BDKRB2: variants seen among roughly 807,000 people sequenced by gnomAD.
The protein encoded by BDKRB2 is B2 bradykinin receptor.
BDKRB2 carries 6 observed loss-of-function variants against 4.0 expected under a neutral mutation model. That is an observed-to-expected ratio of 1.49 (90% CI 0.81 to 2.93). The LOEUF (loss-of-function observed/expected upper bound fraction) is 2.93. Among genes scored for constraint, BDKRB2 ranks in the 30% most tolerant of loss-of-function variants. BDKRB2 has a pLI of 0.00. For missense variants in BDKRB2, 478 were observed against 520.1 expected, an observed-to-expected ratio of 0.92 and a Z score of 0.79; for synonymous variants, 225 against 215.3, an observed-to-expected ratio of 1.05 and a Z score of -0.40.
chr14:96,209,793 C>T (rs191767563), intron 1 of BDKRB2, among the ~76,000 whole-genome samples: 1 of 151,970 alleles, frequency 6.6e-6, no homozygotes, highest in East Asian at 1.9e-4. Context: ...GTCAAGAGTT[C>T]GAGACCAGCC....
At chr14:96,237,606 G>A in intron 2 of BDKRB2, 1 of 1,211,994 alleles carries the variant, frequency 8.3e-7, no homozygotes, top group Non-Finnish European at 1.1e-6. Flanking sequence ...GGAGGGGGAG[G>A]AGGACCTGAG....
intron 1 of BDKRB2, among the ~76,000 whole-genome samples, chr14:96,232,085 C>A (rs901127584): frequency 2.0e-5 from 3 of 152,202 alleles, no homozygotes; most frequent in Admixed American, 2.0e-4. Flanking sequence ...GGAAGGGAAT[C>A]CCTGACACCC....
chr14:96,238,637 T>C, intron 2 of BDKRB2: 1 of 977,678 alleles, frequency 1.0e-6, no homozygotes, highest in Non-Finnish European at 1.2e-6. Context: ...AGTGTCACTT[T>C]CCAGAACATA....
intron 1 of BDKRB2, among the ~76,000 whole-genome samples, chr14:96,226,694 C>T (rs968729949): frequency 1.3e-5 from 2 of 152,142 alleles, no homozygotes; most frequent in Admixed American, 6.5e-5. Flanking sequence ...ATACCAAGAT[C>T]CTAGGAACTA....
intron 1 of BDKRB2, among the ~76,000 whole-genome samples, chr14:96,216,762 AGG>A (rs1822439313): frequency 8.3e-6 from 1 of 120,610 alleles, no homozygotes; most frequent in African/African-American, 3.2e-5. Context: ...GAGGAGGAGG[AGG>A]AGGAAGGAGG....
chr14:96,219,417 G>C (rs951138050), intron 1 of BDKRB2, among the ~76,000 whole-genome samples: 3 of 151,964 alleles, frequency 2.0e-5, no homozygotes, highest in Non-Finnish European at 4.4e-5. Context: ...CAGGGGAGGG[G>C]TGGGGACCGG....
chr14:96,231,928 G>A (rs1385165812), intron 1 of BDKRB2, among the ~76,000 whole-genome samples: 2 of 152,204 alleles, frequency 1.3e-5, no homozygotes, highest in Non-Finnish European at 2.9e-5. Flanking sequence ...GCCGCCCTCT[G>A]ACTAAGGATG....
At chr14:96,210,713 A>G (rs1181452296) in intron 1 of BDKRB2, 5 of 152,202 alleles carry the variant, frequency 3.3e-5, no homozygotes, top group Admixed American at 3.3e-4. Flanking sequence ...AAGGATGACA[A>G]TGTTGGCTGA....
chr14:96,235,668 G>A (rs565498393), intron 1 of BDKRB2, among the ~76,000 whole-genome samples: 35 of 152,232 alleles, frequency 2.3e-4, no homozygotes, highest in East Asian at 2.1e-3. Flanking sequence ...TGAACTGACC[G>A]TTGTCTGATC....
chr14:96,234,351 C>G lies in BDKRB2; in HGVS notation c.-39-2718C>G, dbSNP rs563233720. On this transcript the variant is annotated intron_variant, in intron 1 of 2. Transcript: ENST00000554311. ...GCAGTGAACTCTGCTCCAGGTCTGG[C>G]CAGCATAAAGGCCCCCAAGAGAGGA... Among the ~76,000 whole-genome samples, 4 of 152,264 alleles carry G rather than the reference C, an allele frequency of 2.6e-5. No individual in the cohort carries two copies. The South Asian group carries it at 8.3e-4, about 32-fold the overall frequency.
intron 1 of BDKRB2, among the ~76,000 whole-genome samples, chr14:96,222,910 A>G (rs949415978): frequency 2.0e-5 from 3 of 152,054 alleles, no homozygotes; most frequent in African/African-American, 7.3e-5. Flanking sequence ...TGGCTACTAG[A>G]AAATTTGAAG....
intron 1 of BDKRB2, among the ~76,000 whole-genome samples, chr14:96,216,775 AGG>A (rs1890435992): frequency 7.7e-6 from 1 of 130,404 alleles, no homozygotes; most frequent in Non-Finnish European, 1.6e-5. Context: ...AGGAAGGAGG[AGG>A]AGGAGGAGGA....
chr14:96,223,318 C>T (rs553610070), intron 1 of BDKRB2: 14 of 1,053,380 alleles, frequency 1.3e-5, no homozygotes, highest in East Asian at 7.1e-5. Flanking sequence ...GCTGTTCCGG[C>T]GCCCACCACC....
At chr14:96,226,396 G>A (rs1043203335) in intron 1 of BDKRB2, among the ~76,000 whole-genome samples, 2 of 152,204 alleles carry the variant, frequency 1.3e-5, no homozygotes, top group Non-Finnish European at 2.9e-5. Flanking sequence ...ACTCAAGCCT[G>A]TAATCCCAGC....
chr14:96,210,976 T>C (rs1269136203), intron 1 of BDKRB2: 1 of 152,284 alleles, frequency 6.6e-6, no homozygotes, highest in Non-Finnish European at 1.5e-5. Context: ...CCTGTGCTCA[T>C]GTGCCTGCTG....
chr14:96,206,761 G>GA (rs1275517030), intron 1 of BDKRB2, among the ~76,000 whole-genome samples: 1 of 152,120 alleles, frequency 6.6e-6, no homozygotes, highest in Non-Finnish European at 1.5e-5. Flanking sequence ...GCGCGGTGGG[G>GA]GGAGCCCTGC....
At chr14:96,229,844 A>G (rs763337603) in intron 1 of BDKRB2, among the ~76,000 whole-genome samples, 12 of 152,164 alleles carry the variant, frequency 7.9e-5, no homozygotes, top group Non-Finnish European at 1.5e-4. Flanking sequence ...ATAAAATTAA[A>G]TTAAAAAGGA....
intron 1 of BDKRB2, among the ~76,000 whole-genome samples, chr14:96,221,901 A>G (rs1274214017): frequency 6.6e-6 from 1 of 152,000 alleles, no homozygotes. Flanking sequence ...CACTGTGATT[A>G]AATGTGTGGG....
rs146650268 is a variant in BDKRB2 at position 96,241,277 on chromosome 14, G to A, written c.949G>A (p.Ala317Thr). ...CATCATCGATGTAATCACACAGATC[G>A]CCTCCTTCATGGCCTACAGCAACAG... Reference protein sequence around the residue: ...ERIIDVITQIASFMAYSNSCL... With the variant: ...ERIIDVITQITSFMAYSNSCL... Residue 317 changes from alanine to threonine, a missense_variant, in exon 3 of 3, where the codon GCC becomes ACC. Ala to Thr is a moderately conservative substitution (Grantham distance 58). Coordinates refer to ENST00000554311, the MANE Select transcript of BDKRB2 (RefSeq NM_001379692.1). 9.9e-6 allele frequency: 16 copies of A among 1,613,942 alleles called. No homozygotes were observed. The East Asian group carries it at 1.1e-4, about 11-fold the overall frequency.
Sources: allele counts gnomAD v4.1 joint callset (sites outside exome capture counted in the v4.1 genomes callset), GRCh38; gene constraint gnomAD v4.1.1; transcripts MANE v1.5; gene names NCBI Gene and HGNC (gene_info 2026-07-23, HGNC 2026-07-21).